The following APC2 variants were observed in gnomAD, a reference collection of about 807,000 sequenced individuals.
APC2 encodes the protein APC regulator of Wnt signaling pathway 2, also known as adenomatous polyposis coli protein 2.
A neutral mutation model predicts 72.5 loss-of-function variants in APC2; 41 were observed. That is an observed-to-expected ratio of 0.57 (90% confidence interval 0.44 to 0.73). The LOEUF is 0.73. APC2 is among the 30% of genes least tolerant of loss of function. The probability of loss-of-function intolerance (pLI) is 0.00; values close to 1 mark genes in which losing one functional copy is unlikely to be tolerated. For synonymous variants in APC2, 1,898 were observed against 1,612.0 expected, an observed-to-expected ratio of 1.18 and a Z score of -4.25; for missense variants, 3,729 against 3,403.4, an observed-to-expected ratio of 1.10 and a Z score of -2.38.
chr19:1,447,235 G>A (rs574717885), upstream of APC2, among the ~76,000 whole-genome samples: 55 of 152,220 alleles, frequency 3.6e-4, no homozygotes, highest in Non-Finnish European at 7.1e-4. Context: ...TGCCTTCTCT[G>A]TCCCCACCCA....
chr19:1,461,399 A>AC (rs2083920137), intron 13 of APC2: 2 of 556,920 alleles, frequency 3.6e-6, no homozygotes, highest in East Asian at 3.0e-5. Flanking sequence ...ACATGGTCAG[A>AC]CCCCATCTCT....
In APC2 at chr19:1,469,359, G is replaced by A. The variant is rs2084089671; in HGVS notation, c.6058G>A (p.Ala2020Thr). The A allele has an allele frequency of 1.6e-6, 2 of 1,270,914 alleles. No homozygotes were observed. Among genetic ancestry groups the A allele is most frequent in the Non-Finnish European group, 9.9e-7 (1 of 1,006,818 alleles). The allele number at this position is 1,270,914 out of a possible 1,614,324, so 78.7% of individuals were successfully genotyped here. Residue 2020 changes from alanine to threonine, a missense_variant, in exon 15 of 15, where the codon GCC becomes ACC. Physicochemically the swap from Ala to Thr is moderately conservative, Grantham distance 58. Transcript: ENST00000590469. ...ELSSAESAAS[A>T]PQGASPRRGR... is the part of the protein sequence containing the mutation. ...GTCCTCGGCCGAGTCCGCGGCCTCT[G>A]CCCCCCAGGGCGCCTCGCCCCGCCG...
At chr19:1,464,101 G>C (rs145458882) in intron 14 of APC2, among the ~76,000 whole-genome samples, 4 of 152,048 alleles carry the variant, frequency 2.6e-5, no homozygotes, top group African/African-American at 9.7e-5. Flanking sequence ...CTGAGGTCAG[G>C]AGTTTGAGAC....
rs1379008219 is a variant in APC2, at chr19:1,468,230, C to G, written c.4929C>G (p.Pro1643=). ...CGGCCCTGCCCAGGCGCCGGCCCCC[C>G]GTGTCTGGCCTGCGGCGCCGCAAGC... ...ISSALPRRRP[P]VSGLRRRKPR... Residue 1643 remains proline, a synonymous_variant, in exon 15 of 15, where the codon CCC becomes CCG. Coordinates refer to ENST00000590469, the MANE Select transcript of APC2 (RefSeq NM_005883.3). The G allele has an allele frequency of 2.0e-6, 3 of 1,484,976 alleles. No homozygotes were observed. The highest frequency in any genetic ancestry group is 2.7e-6 in the Non-Finnish European group (3 of 1,124,788). 92.0% of individuals were successfully genotyped at this position (1,484,976 alleles called of 1,614,324 possible).
intron 4 of APC2, 82 bp from the exon 5 acceptor site, chr19:1,455,067 G>A: frequency 2.4e-6 from 2 of 832,748 alleles, no homozygotes; most frequent in East Asian, 4.6e-5. Flanking sequence ...CATACAGTAA[G>A]CGCTAACAAG....
upstream of APC2, among the ~76,000 whole-genome samples, chr19:1,448,510 C>T (rs1167785661): frequency 6.7e-6 from 1 of 148,310 alleles, no homozygotes; most frequent in Non-Finnish European, 1.5e-5. Flanking sequence ...GGCGCCACTG[C>T]ACTGCAGCCT....
In APC2 at chr19:1,468,228, C is replaced by T. The variant is rs2084060002; in HGVS notation, c.4927C>T (p.Pro1643Ser). Reference sequence around the variant, plus strand: ...CTCGGCCCTGCCCAGGCGCCGGCCCCCCGTGTCTGGCCTGCGGCGCCGCAA... The same window carrying T: ...CTCGGCCCTGCCCAGGCGCCGGCCCTCCGTGTCTGGCCTGCGGCGCCGCAA... ...ISSALPRRRP[P>S]VSGLRRRKPR... The change falls in exon 15 of 15, where the codon CCC becomes TCC. Residue 1643 changes from proline (P) to serine (S), a missense_variant. Pro to Ser is a moderately conservative substitution (Grantham distance 74). Coordinates refer to ENST00000590469, the MANE Select transcript of APC2 (RefSeq NM_005883.3). 2 of 1,484,852 alleles carry T rather than the reference C, an allele frequency of 1.3e-6. No individual in the cohort carries two copies. The highest frequency in any genetic ancestry group is 1.8e-6 in the Non-Finnish European group (2 of 1,124,788). The allele number at this position is 1,484,852 out of a possible 1,614,324, so 92.0% of individuals were successfully genotyped here.
intron 5 of APC2, 47 bp downstream of exon 5, chr19:1,455,304 G>A (rs761968822): frequency 6.3e-7 from 1 of 1,582,538 alleles, no homozygotes. Context: ...CCCCACTCAG[G>A]GTGCGGGAAG....
In APC2 at chr19:1,466,775, G is replaced by T; in HGVS notation, c.3474G>T (p.Val1158=). 6.5e-7 allele frequency: 1 copy of T among 1,550,004 alleles called. No homozygotes were observed. Reference sequence around the variant, plus strand: ...ACTACGTGCAGGAGACACCGCTTGTGCTGAGCCGCTGCAGCTCTGTGAGCT... The same window carrying T: ...ACTACGTGCAGGAGACACCGCTTGTTCTGAGCCGCTGCAGCTCTGTGAGCT... The part of the protein sequence containing the change: ...SENYVQETPL[V]LSRCSSVSSL... The change falls in exon 15 of 15, where the codon GTG becomes GTT. Residue 1158 remains valine (V), a synonymous_variant. Transcript: ENST00000590469.
At chr19:1,456,261 G>A (rs1568168257) in intron 7 of APC2, 45 bp from the exon 8 acceptor site, 1 of 1,575,240 alleles carries the variant, frequency 6.3e-7, no homozygotes, top group Non-Finnish European at 8.6e-7. Flanking sequence ...TGAGCAGACT[G>A]GGTGCTCTGG....
rs1402222131 is a variant in APC2, at chr19:1,460,807, A to C, written c.1471A>C (p.Met491Leu). The part of the protein sequence containing the change: ...KATLCARRGC[M>L]EAIVAQLASD... ...CACCCTGTGTGCGCGCCGCGGCTGCATGGAGGCCATCGTGGCCCAGCTGGC... is the reference window on the plus strand; with the variant it reads ...CACCCTGTGTGCGCGCCGCGGCTGCCTGGAGGCCATCGTGGCCCAGCTGGC... The change falls in exon 12 of 15, where the codon ATG (methionine) becomes CTG (leucine). Residue 491 changes from methionine (M) to leucine (L), a missense_variant. Met to Leu is a conservative substitution (Grantham distance 15). Coordinates refer to ENST00000590469, the MANE Select transcript of APC2 (RefSeq NM_005883.3). The C allele has an allele frequency of 9.9e-6, 16 of 1,613,178 alleles. No individual in the cohort carries two copies. The highest frequency in any genetic ancestry group is 1.4e-5 in the Non-Finnish European group (16 of 1,179,966).
Position 1,471,731 on chromosome 19 carries a change from G to C in APC2, c.*1518G>C, listed in dbSNP as rs751872270. ...GGGTTGGGTGGATGGAGCTCAGAAG[G>C]AAACCCCAGCCCCACCACGGATGAC... is the stretch of plus-strand genomic sequence containing the variant. On this transcript the variant is annotated 3_prime_UTR_variant, in exon 15 of 15. Coordinates refer to ENST00000590469, the MANE Select transcript of APC2 (RefSeq NM_005883.3). 10 of 152,320 alleles carry C rather than the reference G, an allele frequency of 6.6e-5. No homozygotes were observed. Among genetic ancestry groups the C allele is most frequent in the Non-Finnish European group, 1.3e-4 (9 of 68,112 alleles). The allele number at this position is 152,320 out of a possible 1,614,324, so 9.4% of individuals were successfully genotyped here.
intron 4 of APC2, among the ~76,000 whole-genome samples, chr19:1,454,821 CCT>C (rs1175115506): frequency 1.3e-5 from 2 of 152,198 alleles, no homozygotes; most frequent in African/African-American, 4.8e-5. Flanking sequence ...CCTGCCTCAG[CCT>C]CTCAAAGTGC....
intron 9 of APC2, 152 bp downstream of exon 9, chr19:1,457,395 T>A: frequency 8.4e-7 from 1 of 1,189,384 alleles, no homozygotes; most frequent in Non-Finnish European, 1.1e-6. Context: ...TGTGGGGGCA[T>A]TTGACGTTGG....
In APC2 at chr19:1,467,447, G is replaced by A. The variant is rs572571000; in HGVS notation, c.4146G>A (p.Pro1382=). 4.4e-4 allele frequency: 652 copies of A among 1,473,828 alleles called. 8 individuals carry two copies. The East Asian group carries it at 0.016, about 36-fold the overall frequency. 91.3% of individuals were successfully genotyped at this position (1,473,828 alleles called of 1,614,324 possible). A position where few individuals can be genotyped will look rare whatever the true frequency, so the allele number is the denominator to read the frequency against. The part of the protein sequence containing the change: ...PVYMLVPAPA[P]AQEDDSCTDS... ...ACATGTTGGTGCCCGCCCCGGCCCC[G>A]GCCCAGGAGGACGACTCCTGCACTG... The change falls in exon 15 of 15, where the codon CCG becomes CCA. Residue 1382 remains proline, a synonymous_variant. Coordinates refer to ENST00000590469, the MANE Select transcript of APC2 (RefSeq NM_005883.3).
rs2083935135 is a variant in APC2 at position 1,462,100 on chromosome 19, C to G, written c.1776C>G (p.Asn592Lys). 6.2e-7 allele frequency: 1 copy of G among 1,612,970 alleles called. No homozygotes were observed. Among genetic ancestry groups the G allele is most frequent in the Admixed American group, 1.7e-5 (1 of 60,024 alleles). Residue 592 changes from asparagine (N) to lysine (K), a missense_variant, in exon 14 of 15, where the codon AAC (asparagine) becomes AAG (lysine). Asn to Lys is a moderately conservative substitution (Grantham distance 94). Transcript: ENST00000590469. The part of the protein sequence containing the change: ...VSTLTYKCQS[N>K]SLAIIESGGG... ...CCCTGACCTACAAGTGTCAGAGCAA[C>G]TCGCTGGCCATCATCGAGAGCGGCG...
chr19:1,466,533 T>C lies in APC2; in HGVS notation c.3232T>C (p.Ser1078Pro). ...SRCSSLSSLS[S>P]AGRPGPSEGG... ...ATGCAGCTCCCTTTCCTCGCTGTCC[T>C]CGGCCGGCCGCCCAGGCCCCAGCGA... The change falls in exon 15 of 15, where the codon TCG becomes CCG. Residue 1078 changes from serine (S) to proline (P), a missense_variant. Coordinates refer to ENST00000590469, the MANE Select transcript of APC2 (RefSeq NM_005883.3). 1 of 1,587,826 alleles carries C rather than the reference T, an allele frequency of 6.3e-7. No individual in the cohort carries two copies. The highest frequency in any genetic ancestry group is 1.1e-5 in the South Asian group (1 of 89,300).
At chr19:1,462,262 T>A in intron 14 of APC2, 85 bp downstream of exon 14, 1 of 1,299,832 alleles carries the variant, frequency 7.7e-7, no homozygotes, top group Middle Eastern at 2.7e-4. Context: ...CTCCCGTGAA[T>A]GCATGCTCCC....
intron 8 of APC2, 30 bp from the exon 9 acceptor site, chr19:1,456,823 G>A: frequency 6.3e-7 from 1 of 1,580,234 alleles, no homozygotes; most frequent in Non-Finnish European, 8.5e-7. Context: ...GCAGGTGAGG[G>A]ACCCCACCCT....
Sources: allele counts gnomAD v4.1 joint callset (sites outside exome capture counted in the v4.1 genomes callset), GRCh38; gene constraint gnomAD v4.1.1; transcripts MANE v1.5; gene names NCBI Gene and HGNC (gene_info 2026-07-23, HGNC 2026-07-21).